The following PDE2A variants were observed in gnomAD, a reference collection of about 807,000 sequenced individuals.
PDE2A encodes the protein cGMP-dependent 3',5'-cyclic phosphodiesterase.
Under a neutral mutation model 133.6 loss-of-function variants are expected in PDE2A, and 53 were observed. The observed-to-expected ratio is 0.40, with a 90% confidence interval of 0.32 to 0.50. PDE2A has a LOEUF of 0.50. Ranked by LOEUF, PDE2A falls within the 20% of genes least tolerant of loss-of-function variation. The pLI, the probability that PDE2A is intolerant of heterozygous loss-of-function variation, is 0.73. For synonymous variants in PDE2A, 491 were observed against 490.2 expected (o/e 1.00, Z -0.02); for missense variants, 796 against 1,232.4 (o/e 0.65, Z 5.30).
At chr11:72,600,876 G>A (rs1381546181) in intron 4 of PDE2A, among the ~76,000 whole-genome samples, 24 of 152,136 alleles carry the variant, frequency 1.6e-4, no homozygotes, top group Non-Finnish European at 4.4e-5. Flanking sequence ...AACAGGCGTG[G>A]ACTTTATGGC....
chr11:72,578,638 C>T lies in PDE2A; in HGVS notation c.2470-124G>A. 1 of 853,566 alleles carries T rather than the reference C, an allele frequency of 1.2e-6. No homozygotes were observed. The highest frequency in any genetic ancestry group is 1.5e-5 in the South Asian group (1 of 64,798). 52.9% of individuals were successfully genotyped at this position (853,566 alleles called of 1,614,324 possible). A position where few individuals can be genotyped will look rare whatever the true frequency, so the allele number is the denominator to read the frequency against. Reference sequence around the variant, plus strand: ...ATTCAGTCCCAGCTCAGGAGCCGTCCCCACCAGCCCCAGCTTGGCAGTGGG... The same window carrying T: ...ATTCAGTCCCAGCTCAGGAGCCGTCTCCACCAGCCCCAGCTTGGCAGTGGG... On this transcript the variant is annotated intron_variant, in intron 28 of 30. Coordinates refer to ENST00000334456, the MANE Select transcript of PDE2A (RefSeq NM_002599.5). This position sits in a 1 kb window ranked among gnomAD's most constrained non-coding sequence, Gnocchi z 4.2.
At chr11:72,596,514 A>C (rs1733362040) in intron 6 of PDE2A, 79 bp downstream of exon 6, 2 of 642,556 alleles carry the variant, frequency 3.1e-6, no homozygotes, top group Non-Finnish European at 2.5e-6. Flanking sequence ...ACACACACAC[A>C]CACCCTGGAC....
intron 2 of PDE2A, among the ~76,000 whole-genome samples, 161 bp downstream of exon 2, chr11:72,642,093 C>T (rs1173067756): frequency 1.3e-5 from 2 of 152,276 alleles, no homozygotes; most frequent in South Asian, 4.1e-4. Context: ...AGAGCTGGGG[C>T]TTCAAGGGCT....
intron 4 of PDE2A, among the ~76,000 whole-genome samples, chr11:72,599,420 C>T (rs1002912228): frequency 2.6e-5 from 4 of 152,128 alleles, no homozygotes; most frequent in African/African-American, 7.2e-5. Flanking sequence ...TCCACTCCCT[C>T]CACCTCACAA....
intron 6 of PDE2A, among the ~76,000 whole-genome samples, chr11:72,593,496 G>A (rs1255126042): frequency 6.6e-6 from 1 of 152,282 alleles, no homozygotes; most frequent in African/African-American, 2.4e-5. Context: ...TTAAAACCCA[G>A]CACAGCCCCC....
At chr11:72,618,750 G>A (rs905954003) in intron 2 of PDE2A, among the ~76,000 whole-genome samples, 1 of 152,148 alleles carries the variant, frequency 6.6e-6, no homozygotes, top group East Asian at 1.9e-4. Flanking sequence ...GAGGGGAGGC[G>A]ATGGGCCTAC....
intron 21 of PDE2A, 88 bp from the exon 22 acceptor site, chr11:72,582,035 A>G (rs414178): frequency 1 from 1,031,411 of 1,036,542 alleles, 513,281 homozygotes; most frequent in East Asian, 1. Context: ...CCACACTCAA[A>G]ATCTGGAGTC....
chr11:72,591,639 G>GATGGA (rs1856253940), intron 6 of PDE2A, among the ~76,000 whole-genome samples: 1 of 152,236 alleles, frequency 6.6e-6, no homozygotes, highest in South Asian at 2.1e-4. Context: ...TGGTTCAGGG[G>GATGGA]ATGGAGGGAC....
chr11:72,583,553 G>A, intron 19 of PDE2A, 38 bp from the exon 20 acceptor site: 2 of 1,444,012 alleles, frequency 1.4e-6, no homozygotes, highest in African/African-American at 1.4e-5. Context: ...CAAGGAAGGT[G>A]GCTGTGAAAA....
chr11:72,643,091 G>A (rs554662787), intron 1 of PDE2A: 1 of 152,808 alleles, frequency 6.5e-6, no homozygotes, highest in Non-Finnish European at 1.5e-5. Context: ...GCAGGCCCCA[G>A]GGCCACACGG....
intron 2 of PDE2A, among the ~76,000 whole-genome samples, chr11:72,627,701 T>G (rs566886286): frequency 6.6e-6 from 1 of 152,296 alleles, no homozygotes; most frequent in East Asian, 1.9e-4. Context: ...TGTTGGGCAG[T>G]GCATTTCAGT....
intron 1 of PDE2A, among the ~76,000 whole-genome samples, chr11:72,670,288 TG>T (rs951943296): frequency 4.6e-5 from 7 of 152,214 alleles, no homozygotes; most frequent in Admixed American, 4.6e-4. Flanking sequence ...ACGTGGTCAC[TG>T]GCTCTGTCCA....
intron 2 of PDE2A, among the ~76,000 whole-genome samples, chr11:72,624,234 C>G (rs561761643): frequency 6.6e-6 from 1 of 152,264 alleles, no homozygotes; most frequent in South Asian, 2.1e-4. Context: ...CCACCCAGCT[C>G]AGCCTCCCAA....
Position 72,589,997 on chromosome 11 carries a change from G to T in PDE2A, c.757-16C>A. Reference sequence around the variant, plus strand: ...CCTGCTGCAGCTGAGAGAGGGACAGGCAGGGCGAGGGGGTGACCGCGGATC... The same window carrying T: ...CCTGCTGCAGCTGAGAGAGGGACAGTCAGGGCGAGGGGGTGACCGCGGATC... On this transcript the variant is annotated splice_polypyrimidine_tract_variant and intron_variant, in intron 9 of 30. Coordinates refer to ENST00000334456, the MANE Select transcript of PDE2A (RefSeq NM_002599.5). The T allele has an allele frequency of 6.2e-7, 1 of 1,605,434 alleles. No individual in the cohort carries two copies. Among genetic ancestry groups the T allele is most frequent in the Admixed American group, 1.7e-5 (1 of 59,314 alleles).
rs1324867718 is a variant in PDE2A, at chr11:72,590,292, G to A, written c.704-48C>T. The stretch of plus-strand genomic sequence containing the variant: ...AGAGAGAGGGCCCCTCCGCACCTCC[G>A]TGTCCGGGTCCCTCAGGCGCCGCTC... On this transcript the variant is annotated intron_variant, in intron 8 of 30. Coordinates refer to ENST00000334456, the MANE Select transcript of PDE2A (RefSeq NM_002599.5). The surrounding 1 kb of genome is among the most constrained non-coding windows in gnomAD (Gnocchi z 4.8). The A allele has an allele frequency of 1.3e-6, 2 of 1,542,984 alleles. No homozygotes were observed. The highest frequency in any genetic ancestry group is 2.4e-5 in the South Asian group (2 of 83,874).
intron 12 of PDE2A, 37 bp downstream of exon 12, chr11:72,589,138 C>T (rs1475159196): frequency 2.5e-6 from 4 of 1,571,986 alleles, no homozygotes; most frequent in Middle Eastern, 1.7e-4. Flanking sequence ...AGTGGGGTCT[C>T]CTCTTTCCCC....
At chr11:72,636,406 T>C (rs762485113) in intron 2 of PDE2A, among the ~76,000 whole-genome samples, 1 of 152,280 alleles carries the variant, frequency 6.6e-6, no homozygotes, top group Non-Finnish European at 1.5e-5. Context: ...GTTTTGATTA[T>C]TGAATTCTGA....
chr11:72,652,887 T>C (rs1854781981), intron 1 of PDE2A, among the ~76,000 whole-genome samples: 1 of 151,972 alleles, frequency 6.6e-6, no homozygotes, highest in South Asian at 2.1e-4. Flanking sequence ...AGCCCAGCAG[T>C]CCCCCCAGCT....
At chr11:72,670,810 G>A (rs1002117775) in intron 1 of PDE2A, among the ~76,000 whole-genome samples, 2 of 152,102 alleles carry the variant, frequency 1.3e-5, no homozygotes, top group Non-Finnish European at 2.9e-5. Flanking sequence ...TGGGCCCTGC[G>A]GAGAAGACCC....
Sources: allele counts gnomAD v4.1 joint callset (sites outside exome capture counted in the v4.1 genomes callset), GRCh38; gene constraint gnomAD v4.1.1; non-coding constraint Gnocchi (gnomAD v3.1); transcripts MANE v1.5; gene names NCBI Gene and HGNC (gene_info 2026-07-23, HGNC 2026-07-21).